NSD2: variants seen among roughly 807,000 people sequenced by gnomAD.
The protein encoded by NSD2 is nuclear receptor binding SET domain protein 2.
In NSD2, 12 loss-of-function variants were observed where a neutral mutation model predicts 139.0. The ratio of observed to expected loss-of-function variants is 0.09; its 90% CI spans 0.06 to 0.14. The LOEUF is 0.14. Ranked by LOEUF, NSD2 falls within the 10% of genes least tolerant of loss-of-function variation. The pLI, the probability that NSD2 is intolerant of heterozygous loss-of-function variation, is 1.00. For synonymous variants in NSD2, 669 were observed against 648.7 expected (o/e 1.03, Z -0.48); for missense variants, 1,155 against 1,745.0 (o/e 0.66, Z 6.02).
rs1723884928 is a variant in NSD2, at chr4:1,948,592, G to A, written c.1882-2480G>A. ...AAAAGTCGGAATCTCTGCAATCTGT[G>A]TCATGGACTGTACTATTGTAAGGTC... On this transcript the variant is annotated intron_variant, in intron 9 of 21. Transcript: ENST00000508803. The surrounding 1 kb of genome is among the most constrained non-coding windows in gnomAD (Gnocchi z 4.5). 2 of 1,063,578 alleles carry A rather than the reference G, an allele frequency of 1.9e-6. No individual in the cohort carries two copies. Among genetic ancestry groups the A allele is most frequent in the Admixed American group, 5.4e-5 (1 of 18,600 alleles). The allele number at this position is 1,063,578 out of a possible 1,614,324, so 65.9% of individuals were successfully genotyped here.
At position 1,939,721 on chromosome 4, in the gene NSD2, T is replaced by G. The variant is rs932962774; in HGVS notation, c.1824T>G (p.Ser608=). The change falls in exon 9 of 22, where the codon TCT becomes TCG. Residue 608 remains serine, a synonymous_variant. Coordinates refer to ENST00000508803, the MANE Select transcript of NSD2 (RefSeq NM_001042424.3). ...GAAATCGGGCTTCCACGGCAGCATC[T>G]TCAGCTCTTGGGTTTAGCAAAAGTT... ...KKRNRASTAA[S]SALGFSKSSS... 2 of 1,614,140 alleles carry G rather than the reference T, an allele frequency of 1.2e-6. No homozygotes were observed. Among genetic ancestry groups the G allele is most frequent in the African/African-American group, 2.7e-5 (2 of 74,948 alleles).
chr4:1,941,847 C>T (rs1268150027), intron 9 of NSD2: 3 of 1,057,240 alleles, frequency 2.8e-6, no homozygotes, highest in African/African-American at 3.3e-5. Context: ...GACTGAACTA[C>T]AGTAAATGTT....
At chr4:1,931,705 C>G (rs905352353) in intron 6 of NSD2, among the ~76,000 whole-genome samples, 1 of 152,158 alleles carries the variant, frequency 6.6e-6, no homozygotes, top group Admixed American at 6.5e-5. Context: ...TTAGGTGTTT[C>G]TAGATCTCTT....
intron 2 of NSD2, 51 bp downstream of exon 2, chr4:1,901,302 T>A: frequency 6.8e-7 from 1 of 1,478,430 alleles, no homozygotes; most frequent in Non-Finnish European, 9.1e-7. Context: ...GCAGTGAGCA[T>A]GGCCACCCTA....
chr4:1,938,410 T>TTGTTTG, intron 7 of NSD2, 41 bp from the exon 8 acceptor site: 5 of 1,183,056 alleles, frequency 4.2e-6, no homozygotes, highest in Non-Finnish European at 5.6e-6. Context: ...TCTTTTTTTT[T>TTGTTTG]TCTTTCTTTT....
chr4:1,925,381 T>TTTTC (rs1250753962), intron 5 of NSD2, among the ~76,000 whole-genome samples: 2 of 146,182 alleles, frequency 1.4e-5, no homozygotes, highest in African/African-American at 2.5e-5. Flanking sequence ...GTCATTTTCT[T>TTTTC]TTTCTTTCTT....
rs770661384 is a variant in NSD2 at position 1,975,294 on chromosome 4, G to A, written c.3515G>A (p.Gly1172Glu). 25 of 1,614,008 alleles carry A rather than the reference G, an allele frequency of 1.5e-5. No individual in the cohort carries two copies. In the South Asian group the frequency reaches 2.6e-4, roughly 17 times the overall value. The change falls in exon 20 of 22, where the codon GGG (glycine) becomes GAG (glutamate). Residue 1172 changes from glycine (G) to glutamate (E), a missense_variant and splice_region_variant. By Grantham distance (98) the Gly-to-Glu change is moderately conservative. Transcript: ENST00000508803. ...TGGTGTCTGTCTCCTCTTCTCCCAG[G>A]GACGGAGCTGACTTTTAACTACAAC... Reference protein sequence around the residue: ...GLFAVCDIPAGTELTFNYNLD... With the variant: ...GLFAVCDIPAETELTFNYNLD...
intron 18 of NSD2, among the ~76,000 whole-genome samples, chr4:1,967,150 T>C (rs1264224235): frequency 6.6e-6 from 1 of 152,202 alleles, no homozygotes; most frequent in Non-Finnish European, 1.5e-5. Flanking sequence ...TGTGAACAAC[T>C]GTACTCCAGT....
rs752421655 is a variant in NSD2, at chr4:1,938,498, C to A, written c.1722C>A (p.Ala574=). Residue 574 remains alanine, a synonymous_variant, in exon 8 of 22, where the codon GCC becomes GCA. Transcript: ENST00000508803. ...CGGCCAGAACAAGCTCTTACAAGGC[C>A]ATGGAGGCAGCCTCCTCGCTCAAGA... ...DKTARTSSYK[A]MEAASSLKSQ... is the part of the protein sequence containing the mutation. 6.5e-7 allele frequency: 1 copy of A among 1,545,914 alleles called. No individual in the cohort carries two copies. Among genetic ancestry groups the A allele is most frequent in the Admixed American group, 1.8e-5 (1 of 56,176 alleles).
chr4:1,950,478 G>C (rs1293355394), intron 9 of NSD2, among the ~76,000 whole-genome samples: 1 of 152,180 alleles, frequency 6.6e-6, no homozygotes, highest in African/African-American at 2.4e-5. Context: ...GGCAATGGGA[G>C]GAAGAAGAGA....
chr4:1,918,867 GC>G, intron 5 of NSD2: 1 of 439,026 alleles, frequency 2.3e-6, no homozygotes, highest in Non-Finnish European at 3.9e-6. Flanking sequence ...CCGAGAACAG[GC>G]CAGGCACAGT....
chr4:1,935,784 C>G lies in NSD2; in HGVS notation c.1674+522C>G, dbSNP rs191235708. Among the ~76,000 whole-genome samples the G allele has an allele frequency of 1.2e-4, 18 of 152,186 alleles. No individual in the cohort carries two copies. The East Asian group carries it at 3.1e-3, about 26-fold the overall frequency. On this transcript the variant is annotated intron_variant, in intron 7 of 21. Transcript: ENST00000508803. Reference sequence around the variant, plus strand: ...GCTGAGGCAGGAGAATTGCTTGAACCTGACAGGCAGAGGTTGCTGTGAGCT... The same window carrying G: ...GCTGAGGCAGGAGAATTGCTTGAACGTGACAGGCAGAGGTTGCTGTGAGCT...
chr4:1,911,734 A>G (rs1718720853), intron 3 of NSD2, among the ~76,000 whole-genome samples: 1 of 152,180 alleles, frequency 6.6e-6, no homozygotes, highest in African/African-American at 2.4e-5. Context: ...CTTGGACCAA[A>G]GGATAGTTCC....
chr4:1,944,090 T>G (rs1577507848), intron 9 of NSD2: 1 of 1,063,026 alleles, frequency 9.4e-7, no homozygotes, highest in Non-Finnish European at 1.1e-6. Flanking sequence ...CAGCGGGGGG[T>G]GGGGTGACAT....
chr4:1,873,485 C>G (rs1419950436), intron 1 of NSD2, among the ~76,000 whole-genome samples: 1 of 152,172 alleles, frequency 6.6e-6, no homozygotes, highest in East Asian at 1.9e-4. Flanking sequence ...TTATCCAGGG[C>G]TTTCAAACCA....
At chr4:1,882,863 C>T (rs1229743193) in intron 1 of NSD2, among the ~76,000 whole-genome samples, 3 of 152,056 alleles carry the variant, frequency 2.0e-5, no homozygotes, top group Non-Finnish European at 4.4e-5. Context: ...TGGAGTGGGG[C>T]CCAACAATCT....
At chr4:1,920,003 G>A (rs1719914174) in intron 5 of NSD2, among the ~76,000 whole-genome samples, 1 of 152,114 alleles carries the variant, frequency 6.6e-6, no homozygotes, top group Non-Finnish European at 1.5e-5. Flanking sequence ...TGTATTTTGT[G>A]GCAGGCAGTG....
At chr4:1,909,274 C>T (rs995594410) in intron 3 of NSD2, among the ~76,000 whole-genome samples, 1 of 152,048 alleles carries the variant, frequency 6.6e-6, no homozygotes, top group Non-Finnish European at 1.5e-5. Context: ...CCCCCCCAAC[C>T]CTAGCATCAG....
rs950923080 is a variant in NSD2, at chr4:1,946,909, T to C, written c.1882-4163T>C. On this transcript the variant is annotated intron_variant, in intron 9 of 21. Coordinates refer to ENST00000508803, the MANE Select transcript of NSD2 (RefSeq NM_001042424.3). ...ACGTGTTAGGTCCACATTTGTGTTT[T>C]TTTCTAGCCTACCTATAGTTGTTGG... is the stretch of plus-strand genomic sequence containing the variant. The C allele has an allele frequency of 1.7e-5, 18 of 1,059,318 alleles. No individual in the cohort carries two copies. The African/African-American group carries it at 2.8e-4, about 16-fold the overall frequency. The allele number at this position is 1,059,318 out of a possible 1,614,324, so 65.6% of individuals were successfully genotyped here. A position where few individuals can be genotyped will look rare whatever the true frequency, so the allele number is the denominator to read the frequency against.
Sources: allele counts gnomAD v4.1 joint callset (sites outside exome capture counted in the v4.1 genomes callset), GRCh38; gene constraint gnomAD v4.1.1; non-coding constraint Gnocchi (gnomAD v3.1); transcripts MANE v1.5; gene names NCBI Gene and HGNC (gene_info 2026-07-23, HGNC 2026-07-21).